Variants in ANXA3 observed in about 807,000 individuals in gnomAD.
The protein encoded by ANXA3 is 35-alpha calcimedin.
A neutral mutation model predicts 48.8 loss-of-function variants in ANXA3; 46 were observed. The ratio of observed to expected loss-of-function variants is 0.94; its 90% CI spans 0.74 to 1.21. ANXA3 has a LOEUF of 1.21. ANXA3 is among the 50% of genes most tolerant of loss of function. ANXA3 has a pLI of 0.00. For missense variants in ANXA3, 383 were observed against 378.6 expected, an observed-to-expected ratio of 1.01 and a Z score of -0.10; for synonymous variants, 128 against 134.7, an observed-to-expected ratio of 0.95 and a Z score of 0.35.
At position 78,595,099 on chromosome 4, in the gene ANXA3, T is replaced by C. The variant is rs745533732; in HGVS notation, c.484-282T>C. 7.2e-5 allele frequency among the ~76,000 whole-genome samples: 11 copies of C among 152,220 alleles called. No individual in the cohort carries two copies. The South Asian group carries it at 2.3e-3, about 31-fold the overall frequency. ...TTATAGTGAGCTATGACTGCAGGAC[T>C]ACACTCTGGCCTGGCCAACAGAGAG... On this transcript the variant is annotated intron_variant, in intron 7 of 12. Transcript: ENST00000264908.
intron 3 of ANXA3, among the ~76,000 whole-genome samples, chr4:78,578,298 C>CGAGAGAGAGAGAGAGAGAGAGAGAGAGA (rs1220106430): frequency 2.2e-5 from 1 of 46,506 alleles, no homozygotes. Flanking sequence ...AGAGAGAGAG[C>CGAGAGAGAGAGAGAGAGAGAGAGAGAGA]GAGAGAGAGA....
rs186200913 is a variant in ANXA3, at chr4:78,597,560, C to T, written c.730+146C>T. Reference sequence around the variant, plus strand: ...AACATGGTCCAGGATACACACAGTACGCTCAACAAATATTGTTAAATGAAT... The same window carrying T: ...AACATGGTCCAGGATACACACAGTATGCTCAACAAATATTGTTAAATGAAT... On this transcript the variant is annotated intron_variant, in intron 10 of 12. Transcript: ENST00000264908. The T allele has an allele frequency of 2.7e-3, 1,502 of 560,926 alleles. 6 individuals carry two copies. The highest frequency in any genetic ancestry group is 3.7e-3 in the Non-Finnish European group (1,164 of 314,966). The allele number at this position is 560,926 out of a possible 1,614,324, so 34.7% of individuals were successfully genotyped here.
At chr4:78,575,835 A>G (rs1388340262) in intron 3 of ANXA3, among the ~76,000 whole-genome samples, 1 of 151,280 alleles carries the variant, frequency 6.6e-6, no homozygotes, top group East Asian at 1.9e-4. Context: ...TTTTTTTTTC[A>G]AAGTTTTGAA....
intron 2 of ANXA3, among the ~76,000 whole-genome samples, chr4:78,571,729 T>C (rs911431965): frequency 6.6e-6 from 1 of 152,250 alleles, no homozygotes; most frequent in African/African-American, 2.4e-5. Flanking sequence ...TTTACTTTGA[T>C]TTTTCTCAAC....
At chr4:78,582,364 C>A in intron 5 of ANXA3, 74 bp downstream of exon 5, 3 of 1,004,976 alleles carry the variant, frequency 3.0e-6, no homozygotes, top group South Asian at 2.7e-5. Context: ...TCTTGCAGTG[C>A]ACACTTGTGA....
intron 6 of ANXA3, among the ~76,000 whole-genome samples, chr4:78,587,776 T>G (rs1006159143): frequency 1.3e-5 from 2 of 152,178 alleles, no homozygotes; most frequent in African/African-American, 2.4e-5. Flanking sequence ...CTAGGTATTT[T>G]GACAGATAGA....
intron 12 of ANXA3, among the ~76,000 whole-genome samples, chr4:78,605,623 G>C (rs945817806): frequency 3.2e-4 from 48 of 152,164 alleles, no homozygotes; most frequent in Admixed American, 1.6e-3. Context: ...ATCTTTCACA[G>C]TATTTTAGTT....
At chr4:78,566,767 T>A (rs1217351121) in intron 2 of ANXA3, among the ~76,000 whole-genome samples, 2 of 152,200 alleles carry the variant, frequency 1.3e-5, no homozygotes, top group South Asian at 4.1e-4. Flanking sequence ...TTCACCACCA[T>A]GCACCATCTG....
At chr4:78,583,182 T>TA (rs71216223) in intron 5 of ANXA3, among the ~76,000 whole-genome samples, 92 of 151,430 alleles carry the variant, frequency 6.1e-4, no homozygotes, top group Non-Finnish European at 9.4e-4. Flanking sequence ...CTACAAAAAA[T>TA]AAAAAAAAAA....
Position 78,591,566 on chromosome 4 carries a change from T to C in ANXA3, c.426T>C (p.Asp142=). ...YYTVYKKSLG[D]DISSETSGDF... Reference sequence around the variant, plus strand: ...CAGTATACAAGAAGAGTCTTGGAGATGACATTAGTTCCGAAACATCTGGTG... The same window carrying C: ...CAGTATACAAGAAGAGTCTTGGAGACGACATTAGTTCCGAAACATCTGGTG... Residue 142 remains aspartate (D), a synonymous_variant, in exon 7 of 13, where the codon GAT becomes GAC. Transcript: ENST00000264908. 1 of 1,613,194 alleles carries C rather than the reference T, an allele frequency of 6.2e-7. No individual in the cohort carries two copies. Among genetic ancestry groups the C allele is most frequent in the Non-Finnish European group, 8.5e-7 (1 of 1,179,212 alleles).
intron 12 of ANXA3, 58 bp downstream of exon 12, chr4:78,604,457 A>C (rs568921985): frequency 3.5e-6 from 5 of 1,412,126 alleles, no homozygotes; most frequent in African/African-American, 1.4e-5. Context: ...CCATCTCCTT[A>C]CTCTTATATG....
intron 11 of ANXA3, chr4:78,601,982 C>T (rs190346556): frequency 9.0e-4 from 140 of 155,038 alleles, no homozygotes; most frequent in African/African-American, 3.1e-3. Context: ...GTGGCTCACG[C>T]CTGTAATCCC....
chr4:78,565,569 G>A (rs1722713383), intron 2 of ANXA3, among the ~76,000 whole-genome samples: 1 of 152,184 alleles, frequency 6.6e-6, no homozygotes, highest in African/African-American at 2.4e-5. Flanking sequence ...CCTTTTACAG[G>A]GATGGGGAAG....
chr4:78,563,352 A>C (rs1722662036), intron 2 of ANXA3, among the ~76,000 whole-genome samples: 1 of 152,130 alleles, frequency 6.6e-6, no homozygotes, highest in South Asian at 2.1e-4. Flanking sequence ...AAATCCTGCA[A>C]AGCCAGTGCT....
At position 78,610,225 on chromosome 4, in the gene ANXA3, CCTAA is replaced by C; in HGVS notation, c.*112_*115del. 1.6e-6 allele frequency: 1 copy of C among 634,072 alleles called. No individual in the cohort carries two copies. Among genetic ancestry groups the C allele is most frequent in the Non-Finnish European group, 2.6e-6 (1 of 378,614 alleles). The allele number at this position is 634,072 out of a possible 1,614,324, so 39.3% of individuals were successfully genotyped here. ...GCAAATATAAACAGCAACTTGTGTTCCTAACAGGAATTTTCATTGTTCTATAACA... is the reference window on the plus strand; with the variant it reads ...GCAAATATAAACAGCAACTTGTGTTCCAGGAATTTTCATTGTTCTATAACA... On this transcript the variant is annotated 3_prime_UTR_variant, in exon 13 of 13. Transcript: ENST00000264908.
intron 3 of ANXA3, among the ~76,000 whole-genome samples, chr4:78,576,254 T>C (rs1020818467): frequency 5.3e-5 from 8 of 152,234 alleles, no homozygotes; most frequent in African/African-American, 9.6e-5. Flanking sequence ...CTGTTTGAGG[T>C]TTATTTTTTC....
At chr4:78,560,391 C>T (rs1722603722) in intron 2 of ANXA3, among the ~76,000 whole-genome samples, 1 of 152,176 alleles carries the variant, frequency 6.6e-6, no homozygotes, top group South Asian at 2.1e-4. Context: ...ATTCACAGAA[C>T]TCACTGAAAG....
chr4:78,595,644 C>T (rs1377713676), intron 8 of ANXA3, 150 bp from the exon 9 acceptor site: 1 of 745,780 alleles, frequency 1.3e-6, no homozygotes, highest in African/African-American at 1.8e-5. Flanking sequence ...TGGCTCCTGA[C>T]AGCCCAATTT....
chr4:78,595,931 A>ACAAATG (rs772018555), intron 9 of ANXA3, 44 bp downstream of exon 9: 1 of 1,350,436 alleles, frequency 7.4e-7, no homozygotes, highest in South Asian at 1.2e-5. Flanking sequence ...TGTTGTTTTT[A>ACAAATG]CAAATGTTTT....
Sources: gnomAD v4.1 joint callset for allele counts (sites outside exome capture counted in the v4.1 genomes callset) on GRCh38, gnomAD v4.1.1 for gene constraint, MANE v1.5 for transcripts, NCBI Gene and HGNC (gene_info 2026-07-23, HGNC 2026-07-21) for gene names.